Variants in IGF1R observed in about 807,000 individuals in gnomAD.
IGF1R encodes insulin-like growth factor 1 receptor.
Under a neutral mutation model 144.6 loss-of-function variants are expected in IGF1R, and 44 were observed. The observed-to-expected ratio is 0.30, with a 90% CI of 0.24 to 0.39. The LOEUF (loss-of-function observed/expected upper bound fraction) is 0.39. Ranked by LOEUF, IGF1R falls within the 10% of genes least tolerant of loss-of-function variation. The pLI is 1.00. For missense variants in IGF1R, 1,355 were observed against 1,833.7 expected (o/e 0.74, Z 4.77); for synonymous variants, 795 against 722.8 (o/e 1.10, Z -1.60).
intron 10 of IGF1R, 94 bp downstream of exon 10, chr15:98,916,970 G>T (rs1162208236): frequency 1.1e-5 from 12 of 1,065,800 alleles, no homozygotes; most frequent in Non-Finnish European, 1.6e-5. Context: ...TAAGTCAGCA[G>T]CTGGGGGGTA....
intron 2 of IGF1R, among the ~76,000 whole-genome samples, chr15:98,854,058 A>G (rs574990962): frequency 3.2e-4 from 49 of 152,272 alleles, no homozygotes; most frequent in Non-Finnish European, 5.9e-4. Flanking sequence ...TCGTGGTATT[A>G]TTGGTGGAAT....
At chr15:98,902,939 G>A (rs929059013) in intron 5 of IGF1R, among the ~76,000 whole-genome samples, 3 of 152,096 alleles carry the variant, frequency 2.0e-5, no homozygotes, top group Admixed American at 6.5e-5. Flanking sequence ...TTTACATAGA[G>A]TAGAGCTCTT....
chr15:98,937,112 C>T (rs2016184738), intron 17 of IGF1R, among the ~76,000 whole-genome samples: 2 of 152,192 alleles, frequency 1.3e-5, no homozygotes, highest in African/African-American at 4.8e-5. Flanking sequence ...TCTTGAACTC[C>T]TGACCTCAGG....
At chr15:98,660,074 T>A (rs1376921444) in intron 1 of IGF1R, 1 of 152,258 alleles carries the variant, frequency 6.6e-6, no homozygotes, top group Non-Finnish European at 1.5e-5. Context: ...GTTTTACGTG[T>A]CAAAAGCCTT....
At chr15:98,896,973 C>A in intron 4 of IGF1R, 68 bp downstream of exon 4, 1 of 1,493,780 alleles carries the variant, frequency 6.7e-7, no homozygotes, top group Non-Finnish European at 9.3e-7. Context: ...GCTTTTCATG[C>A]TCCCGTCCCT....
At chr15:98,650,665 G>A (rs930134430) in intron 1 of IGF1R, among the ~76,000 whole-genome samples, 4 of 152,258 alleles carry the variant, frequency 2.6e-5, no homozygotes, top group African/African-American at 9.6e-5. Context: ...GGCGAGAGGT[G>A]TCGTACGCTG....
At chr15:98,675,826 C>CTTTTTTTTTTTTTTTTTTTTTTT (rs869068918) in intron 1 of IGF1R, among the ~76,000 whole-genome samples, 5 of 46,150 alleles carry the variant, frequency 1.1e-4, no homozygotes, top group Admixed American at 2.9e-4. Flanking sequence ...TTCTTTCTTT[C>CTTTTTTTTTTTTTTTTTTTTTTT]TTTTTTTTTT....
rs2151644479 is a variant in IGF1R, at chr15:98,891,445, A to T, written c.761A>T (p.Tyr254Phe). 2 of 1,613,822 alleles carry T rather than the reference A, an allele frequency of 1.2e-6. No individual in the cohort carries two copies. Among genetic ancestry groups the T allele is most frequent in the Non-Finnish European group, 1.7e-6 (2 of 1,179,998 alleles). ...NDTACVACRH[Y>F]YYAGVCVPAC... The stretch of plus-strand genomic sequence containing the variant: ...ACGGCCTGTGTAGCTTGCCGCCACT[A>T]CTACTATGCCGGTGTCTGTGTGCCT... The change falls in exon 3 of 21, where the codon TAC becomes TTC. Residue 254 changes from tyrosine (Y) to phenylalanine (F), a missense_variant. Physicochemically the swap from Tyr to Phe is conservative, Grantham distance 22. This residue lies in a region of IGF1R where 880 missense variants were observed against 1,202.7 expected (regional missense o/e 0.73). Transcript: ENST00000650285. This position sits in a 1 kb window ranked among gnomAD's most constrained non-coding sequence, Gnocchi z 4.7.
At chr15:98,740,817 A>G (rs1008775943) in intron 2 of IGF1R, among the ~76,000 whole-genome samples, 1 of 152,128 alleles carries the variant, frequency 6.6e-6, no homozygotes, top group Non-Finnish European at 1.5e-5. Context: ...GCTTCTCCCC[A>G]TTCCTTGGCA....
At chr15:98,934,438 C>T (rs938764399) in intron 15 of IGF1R, among the ~76,000 whole-genome samples, 1 of 152,166 alleles carries the variant, frequency 6.6e-6, no homozygotes, top group Non-Finnish European at 1.5e-5. Flanking sequence ...TCCTGCTTGA[C>T]CATTTCATTC....
chr15:98,679,395 C>A (rs150277275), intron 1 of IGF1R, among the ~76,000 whole-genome samples: 62 of 152,240 alleles, frequency 4.1e-4, no homozygotes, highest in Non-Finnish European at 7.6e-4. Flanking sequence ...TTTTGTGTCC[C>A]CATCCAAATC....
chr15:98,739,405 TCA>T (rs1437489275), intron 2 of IGF1R, among the ~76,000 whole-genome samples: 1 of 152,168 alleles, frequency 6.6e-6, no homozygotes, highest in African/African-American at 2.4e-5. Context: ...TGATGTTTTT[TCA>T]GAGTCAAAGT....
intron 11 of IGF1R, 56 bp downstream of exon 11, chr15:98,922,487 G>A: frequency 6.3e-7 from 1 of 1,590,524 alleles, no homozygotes; most frequent in Non-Finnish European, 8.5e-7. Context: ...TAGTGGAGAA[G>A]ATGTGTTTTA....
intron 2 of IGF1R, among the ~76,000 whole-genome samples, chr15:98,711,393 G>T (rs1333519282): frequency 6.6e-6 from 1 of 152,110 alleles, no homozygotes; most frequent in Admixed American, 6.5e-5. Context: ...TTTTCACTTG[G>T]CACTGTCCTT....
chr15:98,733,078 G>T (rs146704569), intron 2 of IGF1R, among the ~76,000 whole-genome samples: 1 of 152,238 alleles, frequency 6.6e-6, no homozygotes, highest in East Asian at 1.9e-4. Flanking sequence ...GTCTACGTGT[G>T]GGTGAACACC....
intron 1 of IGF1R, among the ~76,000 whole-genome samples, chr15:98,674,164 C>G (rs2052970718): frequency 6.6e-6 from 1 of 152,158 alleles, no homozygotes; most frequent in Admixed American, 6.6e-5. Flanking sequence ...TACAGGAAAT[C>G]TGATTGTTGC....
chr15:98,710,392 G>T (rs1014491614), intron 2 of IGF1R, among the ~76,000 whole-genome samples: 3 of 152,068 alleles, frequency 2.0e-5, no homozygotes, highest in Admixed American at 6.5e-5. Context: ...CTCTTGGTTT[G>T]CGTAGATTCC....
chr15:98,908,853 A>C lies in IGF1R; in HGVS notation c.1416A>C (p.Gln472His). 2 of 1,614,160 alleles carry C rather than the reference A, an allele frequency of 1.2e-6. No homozygotes were observed. The highest frequency in any genetic ancestry group is 8.5e-7 in the Non-Finnish European group (1 of 1,180,016). ...MEEVTGTKGRQSKGDINTRNN... is the reference protein window; with the variant it reads ...MEEVTGTKGRHSKGDINTRNN... ...AAGTGACGGGGACTAAAGGGCGCCA[A>C]AGCAAAGGGGACATAAACACCAGGA... Residue 472 changes from glutamine (Q) to histidine (H), a missense_variant, in exon 6 of 21, where the codon CAA becomes CAC. Gln to His is a conservative substitution (Grantham distance 24, BLOSUM62 0). This residue lies in a region of IGF1R where 880 missense variants were observed against 1,202.7 expected (regional missense o/e 0.73). Transcript: ENST00000650285.
chr15:98,842,913 T>C (rs751122185), intron 2 of IGF1R, among the ~76,000 whole-genome samples: 17 of 152,142 alleles, frequency 1.1e-4, no homozygotes, highest in Admixed American at 3.3e-4. Context: ...TTGTAGAAAA[T>C]ATTTAGAGAC....
Sources: gnomAD v4.1 joint callset for allele counts (sites outside exome capture counted in the v4.1 genomes callset) on GRCh38, gnomAD v4.1.1 for gene constraint, gnomAD v4.1.1 regional missense constraint, Gnocchi (gnomAD v3.1) non-coding constraint, MANE v1.5 for transcripts, NCBI Gene and HGNC (gene_info 2026-07-23, HGNC 2026-07-21) for gene names.